TCF3: variants seen among roughly 807,000 people sequenced by gnomAD.
The protein encoded by TCF3 is transcription factor E2-alpha.
TCF3 carries 54 observed loss-of-function variants against 72.3 expected under a neutral mutation model. The ratio of observed to expected loss-of-function variants is 0.75; its 90% confidence interval spans 0.60 to 0.94. The LOEUF (loss-of-function observed/expected upper bound fraction) is 0.94, where lower values mean the gene tolerates loss of function less well. Among genes scored for constraint, TCF3 ranks in the 40% least tolerant of loss-of-function variants. TCF3 has a pLI of 0.00. For missense variants in TCF3, 1,078 were observed against 934.4 expected, an observed-to-expected ratio of 1.15 and a Z score of -2.00; for synonymous variants, 525 against 412.6, an observed-to-expected ratio of 1.27 and a Z score of -3.30.
At position 1,615,691 on chromosome 19, in the gene TCF3, C is replaced by T; in HGVS notation, c.1581G>A (p.Arg527=). 6.2e-7 allele frequency: 1 copy of T among 1,613,328 alleles called. No individual in the cohort carries two copies. The highest frequency in any genetic ancestry group is 1.1e-5 in the South Asian group (1 of 91,030). The change falls in exon 17 of 19, where the codon CGG becomes CGA. Residue 527 remains arginine (R), a synonymous_variant. Transcript: ENST00000262965. The surrounding 1 kb of genome is among the most constrained non-coding windows in gnomAD (Gnocchi z 7.3). ...EKKELKAPRA[R]TSPDEDEDDL... is the part of the protein sequence containing the mutation. ...GCCGAGGGGTGGGTTGGCACCTGGT[C>T]CGGGCCCGGGGGGCCTTCAGCTCCT...
At chr19:1,630,294 G>A (rs533142244) in intron 5 of TCF3, among the ~76,000 whole-genome samples, 4 of 152,180 alleles carry the variant, frequency 2.6e-5, no homozygotes, top group African/African-American at 4.8e-5. Flanking sequence ...TAAGGGGAAC[G>A]GGCAGAAATC....
chr19:1,626,173 G>A (rs888972785), intron 6 of TCF3, among the ~76,000 whole-genome samples: 5 of 152,194 alleles, frequency 3.3e-5, no homozygotes, highest in African/African-American at 4.8e-5. Flanking sequence ...TTCTAAGGCC[G>A]GGCACGGTGG....
intron 3 of TCF3, among the ~76,000 whole-genome samples, chr19:1,634,958 G>A (rs1217220223): frequency 6.6e-6 from 1 of 152,208 alleles, no homozygotes; most frequent in Non-Finnish European, 1.5e-5. Context: ...TTCCGGAGAA[G>A]GCTGGCTGAC....
At chr19:1,626,742 C>T (rs993627173) in intron 6 of TCF3, among the ~76,000 whole-genome samples, 1 of 152,176 alleles carries the variant, frequency 6.6e-6, no homozygotes, top group African/African-American at 2.4e-5. Context: ...CTGCCCCTGG[C>T]GCAGAGCCTG....
In TCF3 at chr19:1,615,188, G is replaced by T; in HGVS notation, c.1822+97C>A. ...AGGAGGCAACTGCTGCAGAGGGAGG[G>T]CTGGCTCCAGGAAGGCGGGCGGGGA... is the stretch of plus-strand genomic sequence containing the variant. On this transcript the variant is annotated intron_variant, in intron 18 of 18. Transcript: ENST00000262965. This position sits in a 1 kb window ranked among gnomAD's most constrained non-coding sequence, Gnocchi z 7.3. The T allele has an allele frequency of 7.0e-7, 1 of 1,419,802 alleles. No homozygotes were observed. 88.0% of individuals were successfully genotyped at this position (1,419,802 alleles called of 1,614,324 possible).
At chr19:1,647,511 G>A (rs942249569) in intron 2 of TCF3, among the ~76,000 whole-genome samples, 5 of 152,344 alleles carry the variant, frequency 3.3e-5, no homozygotes, top group East Asian at 1.9e-4. Context: ...AAGGGGAAAC[G>A]GAGGCCGCAT....
chr19:1,637,500 T>C (rs1200039372), intron 3 of TCF3, among the ~76,000 whole-genome samples: 1 of 152,172 alleles, frequency 6.6e-6, no homozygotes, highest in Non-Finnish European at 1.5e-5. Context: ...GCTTTGAATT[T>C]CAGTGACCAC....
chr19:1,640,136 C>T (rs939564151), intron 3 of TCF3, among the ~76,000 whole-genome samples: 2 of 152,078 alleles, frequency 1.3e-5, no homozygotes, highest in Admixed American at 1.3e-4. Flanking sequence ...ACAGGCGCCT[C>T]CAAACGTTAT....
At chr19:1,646,960 G>T (rs533608925) in intron 2 of TCF3, among the ~76,000 whole-genome samples, 3 of 152,212 alleles carry the variant, frequency 2.0e-5, no homozygotes, top group Non-Finnish European at 4.4e-5. Flanking sequence ...GGAGCGGGGG[G>T]TAGGGCCCAG....
intron 5 of TCF3, among the ~76,000 whole-genome samples, chr19:1,630,403 C>T (rs1022641463): frequency 4.6e-5 from 7 of 152,190 alleles, no homozygotes; most frequent in Non-Finnish European, 8.8e-5. Flanking sequence ...ACTCCAAGTT[C>T]GAGGCCGGGC....
chr19:1,642,951 G>A (rs148147292), intron 3 of TCF3, among the ~76,000 whole-genome samples: 26 of 152,254 alleles, frequency 1.7e-4, no homozygotes, highest in African/African-American at 5.3e-4. Flanking sequence ...ACAATCGCAC[G>A]GACAGAGAAA....
At chr19:1,649,133 CTCCCCACCGGGCCTGCCT>C (rs1407556476) in intron 2 of TCF3, among the ~76,000 whole-genome samples, 1 of 152,232 alleles carries the variant, frequency 6.6e-6, no homozygotes, top group Non-Finnish European at 1.5e-5. Context: ...CCGCCCCGCC[CTCCCCACCGGGCCTGCCT>C]GCTCCGCAGT....
At chr19:1,626,126 G>C (rs887761339) in intron 6 of TCF3, among the ~76,000 whole-genome samples, 12 of 152,298 alleles carry the variant, frequency 7.9e-5, no homozygotes, top group Admixed American at 7.8e-4. Context: ...GGGCTGCCCT[G>C]AGCCGGGTCC....
At chr19:1,642,429 C>T (rs1008309940) in intron 3 of TCF3, among the ~76,000 whole-genome samples, 5 of 152,198 alleles carry the variant, frequency 3.3e-5, no homozygotes, top group Non-Finnish European at 1.5e-5. Flanking sequence ...CGGGACGGTA[C>T]CCCTGGGGGT....
chr19:1,615,576 G>C lies in TCF3; in HGVS notation c.1587-56C>G. On this transcript the variant is annotated intron_variant, in intron 17 of 18. Transcript: ENST00000262965. The surrounding 1 kb of genome is among the most constrained non-coding windows in gnomAD (Gnocchi z 7.3). ...GGGAGACAGTGAGGTTGGGGGAAGA[G>C]CGTGGGGCCCGCCGACGGCCTCCCA... is the stretch of plus-strand genomic sequence containing the variant. 1.2e-6 allele frequency: 2 copies of C among 1,605,056 alleles called. No individual in the cohort carries two copies. The highest frequency in any genetic ancestry group is 8.5e-7 in the Non-Finnish European group (1 of 1,179,734).
chr19:1,617,055 A>G (rs1352751285), intron 16 of TCF3, among the ~76,000 whole-genome samples: 1 of 152,218 alleles, frequency 6.6e-6, no homozygotes, highest in Non-Finnish European at 1.5e-5. Context: ...GCACATCAAG[A>G]GATTAAGGAA....
At chr19:1,619,538 T>C (rs1388607253) in intron 14 of TCF3, 64 bp from the exon 15 acceptor site, 3 of 1,519,050 alleles carry the variant, frequency 2.0e-6, no homozygotes, top group East Asian at 2.3e-5. Context: ...CCTCCATTCA[T>C]GTCCCTTCCG....
At chr19:1,619,884 C>A in intron 13 of TCF3, 31 bp from the exon 14 acceptor site, 2 of 1,534,438 alleles carry the variant, frequency 1.3e-6, no homozygotes, top group Non-Finnish European at 1.8e-6. Flanking sequence ...GAATGGGGTG[C>A]GAGGGGCGGG....
chr19:1,624,253 G>A (rs1039346489), intron 7 of TCF3, among the ~76,000 whole-genome samples: 3 of 152,090 alleles, frequency 2.0e-5, no homozygotes, highest in Non-Finnish European at 4.4e-5. Context: ...AAAAGTAGCC[G>A]GGCGTGGTGG....
Sources: gnomAD v4.1 joint callset for allele counts (sites outside exome capture counted in the v4.1 genomes callset) on GRCh38, gnomAD v4.1.1 for gene constraint, Gnocchi (gnomAD v3.1) non-coding constraint, MANE v1.5 for transcripts, NCBI Gene and HGNC (gene_info 2026-07-23, HGNC 2026-07-21) for gene names.